ARHGAP26: variants seen among roughly 807,000 people sequenced by gnomAD.
ARHGAP26 encodes the protein Rho GTPase activating protein 26, also known as rho GTPase-activating protein 26.
Under a neutral mutation model 104.8 loss-of-function variants are expected in ARHGAP26, and 38 were observed. The ratio of observed to expected loss-of-function variants is 0.36; its 90% confidence interval spans 0.28 to 0.48. The LOEUF (loss-of-function observed/expected upper bound fraction) is 0.48, where lower values mean the gene tolerates loss of function less well. ARHGAP26 is among the 20% of genes least tolerant of loss of function. ARHGAP26 has a pLI of 0.99. For synonymous variants in ARHGAP26, 341 were observed against 340.0 expected, an observed-to-expected ratio of 1.00 and a Z score of -0.03; for missense variants, 704 against 947.9, an observed-to-expected ratio of 0.74 and a Z score of 3.38.
At chr5:142,998,963 G>T (rs1776817420) in intron 11 of ARHGAP26, among the ~76,000 whole-genome samples, 1 of 152,108 alleles carries the variant, frequency 6.6e-6, no homozygotes, top group African/African-American at 2.4e-5. Context: ...TTGCTGGTAA[G>T]ATTTGAGATG....
chr5:143,197,733 T>C (rs1416596356), intron 20 of ARHGAP26, among the ~76,000 whole-genome samples: 1 of 152,344 alleles, frequency 6.6e-6, no homozygotes, highest in Admixed American at 6.5e-5. Context: ...TTTCTGGAAT[T>C]ATTTCTTCTA....
intron 20 of ARHGAP26, among the ~76,000 whole-genome samples, chr5:143,198,003 C>T (rs1807132634): frequency 6.6e-6 from 1 of 152,220 alleles, no homozygotes; most frequent in African/African-American, 2.4e-5. Flanking sequence ...CCCCCTGAGG[C>T]AGTCATAGTT....
chr5:142,782,013 C>T (rs1392266049), intron 1 of ARHGAP26, among the ~76,000 whole-genome samples: 1 of 152,152 alleles, frequency 6.6e-6, no homozygotes, highest in East Asian at 1.9e-4. Flanking sequence ...CTGCGCCTGG[C>T]CGATTCATGG....
intron 11 of ARHGAP26, among the ~76,000 whole-genome samples, chr5:142,992,048 A>G (rs1775695548): frequency 3.6e-5 from 2 of 55,044 alleles, no homozygotes; most frequent in Admixed American, 2.4e-4. Flanking sequence ...TATCATTGTT[A>G]TAATTAGGAC....
chr5:143,149,295 C>T (rs927576368), intron 20 of ARHGAP26, among the ~76,000 whole-genome samples: 6 of 152,048 alleles, frequency 3.9e-5, no homozygotes, highest in African/African-American at 1.4e-4. Flanking sequence ...ACTGTCCTTC[C>T]AAGCTGAGTG....
At chr5:143,184,794 T>C (rs1804898367) in intron 20 of ARHGAP26, among the ~76,000 whole-genome samples, 1 of 152,138 alleles carries the variant, frequency 6.6e-6, no homozygotes, top group African/African-American at 2.4e-5. Context: ...AAAATCCATA[T>C]ACTCAAGAGA....
intron 17 of ARHGAP26, among the ~76,000 whole-genome samples, chr5:143,115,541 G>A (rs1795334906): frequency 6.6e-6 from 1 of 151,588 alleles, no homozygotes; most frequent in Non-Finnish European, 1.5e-5. Context: ...GGCCACTAGG[G>A]GTTCCTGGGC....
chr5:142,863,577 C>A lies in ARHGAP26; in HGVS notation c.155-9823C>A, dbSNP rs74507305. Among the ~76,000 whole-genome samples the A allele has an allele frequency of 0.014, 2,190 of 152,260 alleles. 184 individuals are homozygous for A. In the East Asian group the frequency reaches 0.26, roughly 18 times the overall value. ...CAAGGAATTTATTCATTCATTCCTC[C>A]AATATATATTGAGGTCCTGTATGTT... On this transcript the variant is annotated intron_variant, in intron 1 of 22. Transcript: ENST00000645722.
chr5:143,042,400 A>G (rs1598765770), intron 14 of ARHGAP26, among the ~76,000 whole-genome samples: 2 of 152,220 alleles, frequency 1.3e-5, no homozygotes, highest in Non-Finnish European at 2.9e-5. Context: ...CTAGATTTCA[A>G]CCGAATACCT....
intron 14 of ARHGAP26, among the ~76,000 whole-genome samples, chr5:143,047,682 G>A (rs906667661): frequency 6.6e-6 from 1 of 151,818 alleles, no homozygotes; most frequent in Admixed American, 6.6e-5. Flanking sequence ...ATTTAATTTT[G>A]CATTTCTGTA....
At chr5:143,186,130 C>G (rs1229474102) in intron 20 of ARHGAP26, among the ~76,000 whole-genome samples, 1 of 152,234 alleles carries the variant, frequency 6.6e-6, no homozygotes, top group Non-Finnish European at 1.5e-5. Context: ...CCAGTCCAGC[C>G]TACCTTGTCC....
At chr5:143,116,009 T>A (rs1353635845) in intron 17 of ARHGAP26, among the ~76,000 whole-genome samples, 1 of 14,620 alleles carries the variant, frequency 6.8e-5, no homozygotes, top group African/African-American at 3.2e-4. Flanking sequence ...ATCGACAGGA[T>A]AAGATGGGAA....
At chr5:142,908,219 A>G (rs1761379530) in intron 9 of ARHGAP26, among the ~76,000 whole-genome samples, 1 of 152,178 alleles carries the variant, frequency 6.6e-6, no homozygotes, top group Non-Finnish European at 1.5e-5. Flanking sequence ...TCACCCCAAA[A>G]CTTAGCAACA....
chr5:142,853,187 TTTA>T (rs1425420892), intron 1 of ARHGAP26, among the ~76,000 whole-genome samples: 1 of 152,122 alleles, frequency 6.6e-6, no homozygotes, highest in Non-Finnish European at 1.5e-5. Flanking sequence ...ATTTTTTAAT[TTTA>T]TTATTATTTT....
At chr5:143,052,804 C>T (rs1232905507) in intron 14 of ARHGAP26, among the ~76,000 whole-genome samples, 2 of 152,164 alleles carry the variant, frequency 1.3e-5, no homozygotes, top group Non-Finnish European at 2.9e-5. Context: ...CTTCTGCCCA[C>T]CTCTGACTTA....
intron 1 of ARHGAP26, among the ~76,000 whole-genome samples, chr5:142,845,500 G>A (rs1771747309): frequency 6.6e-6 from 1 of 152,176 alleles, no homozygotes; most frequent in African/African-American, 2.4e-5. Flanking sequence ...CACGCCCTTT[G>A]CTGATAAAGG....
chr5:142,811,144 C>A (rs186886370), intron 1 of ARHGAP26, among the ~76,000 whole-genome samples: 3 of 152,330 alleles, frequency 2.0e-5, no homozygotes, highest in East Asian at 1.9e-4. Context: ...AATAGACCTA[C>A]CTCCTGGGGT....
intron 17 of ARHGAP26, among the ~76,000 whole-genome samples, chr5:143,106,164 A>G (rs79451134): frequency 0.049 from 7,423 of 152,246 alleles, 604 homozygotes; most frequent in African/African-American, 0.17. Context: ...ACATAGCAAC[A>G]GGATTGTGGT....
chr5:143,043,560 G>A (rs181861985), intron 14 of ARHGAP26, among the ~76,000 whole-genome samples: 32 of 152,248 alleles, frequency 2.1e-4, no homozygotes, highest in Middle Eastern at 3.4e-3. Flanking sequence ...ATAAATGTCC[G>A]AGTGTGCAAA....
Sources: gnomAD v4.1 joint callset for allele counts (sites outside exome capture counted in the v4.1 genomes callset) on GRCh38, gnomAD v4.1.1 for gene constraint, MANE v1.5 for transcripts, NCBI Gene and HGNC (gene_info 2026-07-23, HGNC 2026-07-21) for gene names.